The following NEXN variants were observed in gnomAD, a reference collection of about 807,000 sequenced individuals.
NEXN encodes the protein nexilin F-actin binding protein.
In NEXN, 65 loss-of-function variants were observed where a neutral mutation model predicts 92.6. The observed-to-expected ratio is 0.70, with a 90% CI of 0.57 to 0.86. The LOEUF is 0.86. Ranked by LOEUF, NEXN falls within the 40% of genes least tolerant of loss-of-function variation. NEXN has a pLI of 0.00. For missense variants in NEXN, 778 were observed against 771.1 expected (o/e 1.01, Z -0.11); for synonymous variants, 254 against 242.5 (o/e 1.05, Z -0.44).
Position 77,923,253 on chromosome 1 carries a change from C to A in NEXN, c.448-1935C>A, listed in dbSNP as rs913856146. ...GGCTCAATCGGCCTGCCTCAGCCTC[C>A]CAAAATGCTGTGTTTACAGGCATGA... On this transcript the variant is annotated intron_variant, in intron 5 of 12. Coordinates refer to ENST00000334785, the MANE Select transcript of NEXN (RefSeq NM_144573.4). Among the ~76,000 whole-genome samples the A allele has an allele frequency of 5.3e-5, 8 of 151,182 alleles. No individual in the cohort carries two copies. The East Asian group carries it at 1.4e-3, about 26-fold the overall frequency.
chr1:77,906,182 A>G (rs1648099985), intron 1 of NEXN, among the ~76,000 whole-genome samples: 1 of 152,156 alleles, frequency 6.6e-6, no homozygotes, highest in Non-Finnish European at 1.5e-5. Context: ...TCAGGAAGAA[A>G]GGAGTGACTG....
intron 1 of NEXN, among the ~76,000 whole-genome samples, chr1:77,902,317 A>G (rs1173793094): frequency 6.6e-6 from 1 of 152,210 alleles, no homozygotes; most frequent in Non-Finnish European, 1.5e-5. Flanking sequence ...AGTTTTAAAA[A>G]AATCCTTAAA....
At chr1:77,925,361 GT>G (rs1649762518) in intron 6 of NEXN, 132 bp downstream of exon 6, 1 of 721,394 alleles carries the variant, frequency 1.4e-6, no homozygotes, top group Admixed American at 2.5e-5. Context: ...AAAAAAGTAT[GT>G]TTTGCAAAGC....
intron 11 of NEXN, among the ~76,000 whole-genome samples, chr1:77,938,571 G>A (rs1360131452): frequency 1.5e-5 from 2 of 134,722 alleles, no homozygotes; most frequent in African/African-American, 5.7e-5. Flanking sequence ...CCAGCCTGGC[G>A]ACAGAGCAAG....
intron 8 of NEXN, among the ~76,000 whole-genome samples, chr1:77,928,940 C>T (rs910928285): frequency 2.0e-5 from 3 of 152,258 alleles, no homozygotes; most frequent in Middle Eastern, 3.4e-3. Context: ...TTAGTAGAGA[C>T]GAAGTCTTGC....
At chr1:77,916,186 G>C in intron 2 of NEXN, 53 bp downstream of exon 2, 1 of 1,421,088 alleles carries the variant, frequency 7.0e-7, no homozygotes, top group Non-Finnish European at 9.8e-7. Context: ...AGAGTTGACT[G>C]TAGAATTGCT....
intron 10 of NEXN, 25 bp downstream of exon 10, chr1:77,933,504 T>C: frequency 1.4e-6 from 2 of 1,447,880 alleles, no homozygotes; most frequent in Non-Finnish European, 1.9e-6. Flanking sequence ...AATATCTATA[T>C]TCCCCATATT....
intron 5 of NEXN, among the ~76,000 whole-genome samples, chr1:77,921,606 G>A (rs944639106): frequency 2.0e-5 from 3 of 151,914 alleles, no homozygotes; most frequent in African/African-American, 7.3e-5. Flanking sequence ...CACCATGCTT[G>A]GCTAATTTTT....
In NEXN at chr1:77,892,340, A is replaced by G. The variant is rs559144421; in HGVS notation, c.-53+3581A>G. Among the ~76,000 whole-genome samples, 8 of 152,290 alleles carry G rather than the reference A, an allele frequency of 5.3e-5. No individual in the cohort carries two copies. In the South Asian group the frequency reaches 1.4e-3, roughly 28 times the overall value. The stretch of plus-strand genomic sequence containing the variant: ...ACCCAAATAGTGTACATTGTACCCA[A>G]AGGTTAACATTTTTGCACAGGAACA... On this transcript the variant is annotated intron_variant, in intron 1 of 12. Transcript: ENST00000334785.
At chr1:77,924,407 G>A (rs547479664) in intron 5 of NEXN, among the ~76,000 whole-genome samples, 4 of 151,832 alleles carry the variant, frequency 2.6e-5, no homozygotes, top group Non-Finnish European at 4.4e-5. Flanking sequence ...CACTGTTATT[G>A]TATCAGTTTT....
intron 1 of NEXN, among the ~76,000 whole-genome samples, chr1:77,900,342 A>G (rs997149190): frequency 2.6e-5 from 4 of 152,090 alleles, no homozygotes; most frequent in African/African-American, 9.7e-5. Flanking sequence ...TAACCATACC[A>G]TAGTCTTTTC....
intron 9 of NEXN, 58 bp from the exon 10 acceptor site, chr1:77,933,224 A>G: frequency 9.3e-7 from 1 of 1,072,436 alleles, no homozygotes; most frequent in Non-Finnish European, 1.4e-6. Context: ...TTCAAGAAAT[A>G]GTCCCTTTTT....
chr1:77,897,065 G>A (rs1342728783), intron 1 of NEXN, among the ~76,000 whole-genome samples: 3 of 152,110 alleles, frequency 2.0e-5, no homozygotes, highest in Admixed American at 6.6e-5. Flanking sequence ...ATTCACAGCC[G>A]AATTCTACCG....
Position 77,940,072 on chromosome 1 carries a change from A to G in NEXN, c.1474-1951A>G, listed in dbSNP as rs189039598. Among the ~76,000 whole-genome samples the G allele has an allele frequency of 1.7e-3, 259 of 152,258 alleles. 1 individual carries two copies. The highest frequency in any genetic ancestry group is 8.1e-3 in the East Asian group (42 of 5,166). On this transcript the variant is annotated intron_variant, in intron 11 of 12. Coordinates refer to ENST00000334785, the MANE Select transcript of NEXN (RefSeq NM_144573.4). ...CTGGGTGACACAGCGAGAAATATCA[A>G]TGTTCAATGTGTCTTCAAAATGTTT...
chr1:77,898,778 T>C (rs1299263377), intron 1 of NEXN, among the ~76,000 whole-genome samples: 1 of 152,110 alleles, frequency 6.6e-6, no homozygotes. Flanking sequence ...AAAGGGCTAA[T>C]ATCCAGAATC....
intron 8 of NEXN, among the ~76,000 whole-genome samples, chr1:77,928,341 A>G (rs981863567): frequency 6.6e-6 from 1 of 151,698 alleles, no homozygotes; most frequent in Non-Finnish European, 1.5e-5. Context: ...TAAAAATGGA[A>G]TATTTGTAAT....
At chr1:77,896,775 T>A (rs1431495725) in intron 1 of NEXN, among the ~76,000 whole-genome samples, 11 of 149,858 alleles carry the variant, frequency 7.3e-5, no homozygotes, top group Non-Finnish European at 1.0e-4. Context: ...AAAAAAAAAA[T>A]TTAGAAAAGA....
intron 5 of NEXN, among the ~76,000 whole-genome samples, chr1:77,921,995 G>A (rs897762512): frequency 6.6e-6 from 1 of 152,048 alleles, no homozygotes; most frequent in African/African-American, 2.4e-5. Flanking sequence ...CTCAAAATCC[G>A]GGGCTCAAGA....
chr1:77,941,903 GC>G, intron 11 of NEXN, 119 bp from the exon 12 acceptor site: 3 of 988,372 alleles, frequency 3.0e-6, no homozygotes, highest in South Asian at 1.4e-5. Context: ...CTGCAGTGTA[GC>G]AAAAATATGC....
Sources: allele counts gnomAD v4.1 joint callset (sites outside exome capture counted in the v4.1 genomes callset), GRCh38; gene constraint gnomAD v4.1.1; transcripts MANE v1.5; gene names NCBI Gene and HGNC (gene_info 2026-07-23, HGNC 2026-07-21).